The following SLC9A9 variants were observed in gnomAD, a reference collection of about 807,000 sequenced individuals.
SLC9A9 encodes the protein solute carrier family 9 member A9.
Under a neutral mutation model 77.8 loss-of-function variants are expected in SLC9A9, and 62 were observed. That is an observed-to-expected ratio of 0.80 (90% CI 0.65 to 0.98). The LOEUF (loss-of-function observed/expected upper bound fraction) is 0.98. Ranked by LOEUF, SLC9A9 falls within the 50% of genes least tolerant of loss-of-function variation. The pLI, the probability that SLC9A9 is intolerant of heterozygous loss-of-function variation, is 0.00. For missense variants in SLC9A9, 775 were observed against 774.9 expected, an observed-to-expected ratio of 1.00 and a Z score of 0.00; for synonymous variants, 320 against 283.5, an observed-to-expected ratio of 1.13 and a Z score of -1.29.
At position 143,268,939 on chromosome 3, in the gene SLC9A9, G is replaced by C. The variant is rs1433477172; in HGVS notation, c.1646C>G (p.Thr549Ser). Residue 549 changes from threonine to serine, a missense_variant, in exon 15 of 16, where the codon ACT (threonine) becomes AGT (serine). Physicochemically the swap from Thr to Ser is moderately conservative, Grantham distance 58. Transcript: ENST00000316549. ...ACCACACCATTCAGGTAATGTTGTA[G>C]TCAGCGGAGGACCAGAGTGGGTTAA... ...PILTHSGPPLTTTLPEWCGPI... is the reference protein window; with the variant it reads ...PILTHSGPPLSTTLPEWCGPI... The C allele has an allele frequency of 6.2e-7, 1 of 1,613,722 alleles. No homozygotes were observed. The highest frequency in any genetic ancestry group is 1.7e-5 in the Admixed American group (1 of 59,996).
intron 2 of SLC9A9, among the ~76,000 whole-genome samples, chr3:143,830,385 A>G (rs1481437478): frequency 6.6e-6 from 1 of 152,148 alleles, no homozygotes; most frequent in Non-Finnish European, 1.5e-5. Flanking sequence ...CTCACTGAAA[A>G]CACCAAGAGG....
intron 5 of SLC9A9, among the ~76,000 whole-genome samples, chr3:143,666,293 G>A (rs1157810525): frequency 1.3e-5 from 2 of 152,126 alleles, no homozygotes; most frequent in Non-Finnish European, 2.9e-5. Flanking sequence ...AGCCCTTCAT[G>A]CTAAAAACTC....
chr3:143,770,303 C>T (rs1223803018), intron 4 of SLC9A9, among the ~76,000 whole-genome samples: 1 of 151,780 alleles, frequency 6.6e-6, no homozygotes, highest in Non-Finnish European at 1.5e-5. Flanking sequence ...ATTTTACAGG[C>T]ACAATAATTA....
intron 12 of SLC9A9, among the ~76,000 whole-genome samples, chr3:143,394,230 G>A (rs200380394): frequency 0.06 from 9,104 of 151,994 alleles, 415 homozygotes; most frequent in African/African-American, 0.13. Flanking sequence ...TGAATCCAGC[G>A]GCACATCAAA....
At chr3:143,306,540 T>A (rs1383424658) in intron 14 of SLC9A9, among the ~76,000 whole-genome samples, 1 of 152,226 alleles carries the variant, frequency 6.6e-6, no homozygotes. Flanking sequence ...GTAAGCTCCA[T>A]GAAGGCTAGG....
At chr3:143,273,654 C>G (rs574585881) in intron 14 of SLC9A9, among the ~76,000 whole-genome samples, 1 of 152,312 alleles carries the variant, frequency 6.6e-6, no homozygotes, top group African/African-American at 2.4e-5. Flanking sequence ...CTTTAAAAAT[C>G]TTTACTTTTA....
chr3:143,555,507 T>C (rs547906793), intron 8 of SLC9A9, among the ~76,000 whole-genome samples: 1 of 152,326 alleles, frequency 6.6e-6, no homozygotes, highest in South Asian at 2.1e-4. Context: ...CCCATTTCTA[T>C]TGAACAAGTA....
At chr3:143,425,917 C>A (rs772899083) in intron 12 of SLC9A9, among the ~76,000 whole-genome samples, 1 of 151,926 alleles carries the variant, frequency 6.6e-6, no homozygotes, top group Non-Finnish European at 1.5e-5. Context: ...TGACCTTGAC[C>A]CAGGGATCAA....
intron 12 of SLC9A9, among the ~76,000 whole-genome samples, chr3:143,420,061 A>T (rs2034269328): frequency 1.3e-5 from 2 of 152,212 alleles, no homozygotes; most frequent in Non-Finnish European, 2.9e-5. Flanking sequence ...AATAAACTGG[A>T]CAGGGTCATG....
chr3:143,406,993 A>G (rs2033995476), intron 12 of SLC9A9, among the ~76,000 whole-genome samples: 1 of 151,512 alleles, frequency 6.6e-6, no homozygotes, highest in Non-Finnish European at 1.5e-5. Flanking sequence ...AAAAAAAAAA[A>G]AAAGAAAAAG....
chr3:143,421,466 C>T (rs146399662), intron 12 of SLC9A9, among the ~76,000 whole-genome samples: 1 of 152,114 alleles, frequency 6.6e-6, no homozygotes, highest in East Asian at 1.9e-4. Context: ...CACACACCTA[C>T]AACCAAAGTC....
intron 14 of SLC9A9, among the ~76,000 whole-genome samples, chr3:143,334,245 T>G (rs758720512): frequency 2.0e-5 from 3 of 152,350 alleles, no homozygotes; most frequent in Non-Finnish European, 4.4e-5. Flanking sequence ...AGGAGATGTC[T>G]GGATCCGCCT....
At chr3:143,627,644 A>G in intron 6 of SLC9A9, 1 of 233,276 alleles carries the variant, frequency 4.3e-6, no homozygotes, top group South Asian at 6.8e-5. Context: ...ACTGTGCTGT[A>G]CAGGTTAGAG....
At chr3:143,731,683 C>A (rs1319469992) in intron 4 of SLC9A9, among the ~76,000 whole-genome samples, 2 of 152,220 alleles carry the variant, frequency 1.3e-5, no homozygotes, top group Non-Finnish European at 2.9e-5. Context: ...TTGCTACATT[C>A]CTGACCCAGG....
chr3:143,535,078 A>G (rs1399910287), intron 9 of SLC9A9, among the ~76,000 whole-genome samples: 1 of 152,192 alleles, frequency 6.6e-6, no homozygotes. Flanking sequence ...AAATTAAACC[A>G]TTCTTCTTTT....
chr3:143,753,751 G>A (rs1365222636), intron 4 of SLC9A9, among the ~76,000 whole-genome samples: 1 of 152,108 alleles, frequency 6.6e-6, no homozygotes, highest in Non-Finnish European at 1.5e-5. Context: ...TAGCCTTTCT[G>A]GGATCACATG....
At chr3:143,498,274 A>G (rs1012802048) in intron 9 of SLC9A9, among the ~76,000 whole-genome samples, 19 of 152,234 alleles carry the variant, frequency 1.2e-4, no homozygotes, top group African/African-American at 4.3e-4. Context: ...AATACATTAT[A>G]ATATTTCATA....
At chr3:143,803,119 C>T (rs1043743021) in intron 2 of SLC9A9, among the ~76,000 whole-genome samples, 1 of 152,142 alleles carries the variant, frequency 6.6e-6, no homozygotes, top group Non-Finnish European at 1.5e-5. Context: ...TATAGTACCC[C>T]AACTGCCGTC....
At chr3:143,472,424 C>A (rs1470713071) in intron 11 of SLC9A9, among the ~76,000 whole-genome samples, 2 of 152,164 alleles carry the variant, frequency 1.3e-5, no homozygotes, top group Non-Finnish European at 2.9e-5. Flanking sequence ...ACATAATTTT[C>A]TATGCCCAAA....
Sources: gnomAD v4.1 joint callset for allele counts (sites outside exome capture counted in the v4.1 genomes callset) on GRCh38, gnomAD v4.1.1 for gene constraint, MANE v1.5 for transcripts, NCBI Gene and HGNC (gene_info 2026-07-23, HGNC 2026-07-21) for gene names.